AIG1: variants seen among roughly 807,000 people sequenced by gnomAD.
The protein encoded by AIG1 is androgen-induced gene 1 protein.
Under a neutral mutation model 31.4 loss-of-function variants are expected in AIG1, and 23 were observed. The ratio of observed to expected loss-of-function variants is 0.73; its 90% confidence interval spans 0.53 to 1.04. AIG1 has a LOEUF of 1.04. Ranked by LOEUF, AIG1 falls within the 50% of genes least tolerant of loss-of-function variation. AIG1 has a pLI of 0.00. For missense variants in AIG1, 274 were observed against 295.0 expected (o/e 0.93, Z 0.52); for synonymous variants, 100 against 110.5 (o/e 0.90, Z 0.60).
chr6:143,149,176 T>C (rs962416317), intron 2 of AIG1, among the ~76,000 whole-genome samples: 3 of 152,154 alleles, frequency 2.0e-5, no homozygotes, highest in Admixed American at 2.0e-4. Context: ...GACATTTTTA[T>C]CTATGTACAT....
chr6:143,155,167 T>A (rs1785620925), intron 2 of AIG1, among the ~76,000 whole-genome samples: 1 of 152,032 alleles, frequency 6.6e-6, no homozygotes, highest in Admixed American at 6.6e-5. Context: ...TTTAAAAATA[T>A]AAGGCACGAA....
intron 1 of AIG1, among the ~76,000 whole-genome samples, chr6:143,132,234 G>T (rs865867926): frequency 3.3e-5 from 5 of 152,032 alleles, no homozygotes; most frequent in Admixed American, 6.6e-5. Flanking sequence ...TTCAGCAATT[G>T]TCATTGATCT....
chr6:143,076,740 T>G (rs1777766750), intron 1 of AIG1, among the ~76,000 whole-genome samples: 1 of 151,544 alleles, frequency 6.6e-6, no homozygotes, highest in Admixed American at 6.6e-5. Flanking sequence ...TGGCACGATC[T>G]CAGCTCACTG....
At chr6:143,184,161 G>A (rs889619807) in intron 3 of AIG1, among the ~76,000 whole-genome samples, 8 of 152,180 alleles carry the variant, frequency 5.3e-5, no homozygotes, top group Admixed American at 5.2e-4. Flanking sequence ...CTCTGATTAA[G>A]CATCTCCAGT....
chr6:143,275,808 G>A (rs536309673), intron 3 of AIG1, among the ~76,000 whole-genome samples: 3 of 152,236 alleles, frequency 2.0e-5, no homozygotes, highest in African/African-American at 7.2e-5. Context: ...GCCTGTCTGA[G>A]GGCATTCATT....
chr6:143,176,466 C>G (rs949972950), intron 3 of AIG1, among the ~76,000 whole-genome samples: 1 of 152,168 alleles, frequency 6.6e-6, no homozygotes, highest in East Asian at 1.9e-4. Context: ...GACTATCAGG[C>G]TGGGACAGAG....
chr6:143,091,178 A>G (rs907319222), intron 1 of AIG1, among the ~76,000 whole-genome samples: 2 of 152,192 alleles, frequency 1.3e-5, no homozygotes, highest in African/African-American at 4.8e-5. Flanking sequence ...TTTCTCTTGT[A>G]ATTTCTACCA....
At position 143,097,622 on chromosome 6, in the gene AIG1, C is replaced by T. The variant is rs143435955; in HGVS notation, c.141+36556C>T. Among the ~76,000 whole-genome samples the T allele has an allele frequency of 1.2e-3, 188 of 152,242 alleles. 5 individuals carry two copies. The East Asian group carries it at 0.029, about 23-fold the overall frequency. ...ACACTTACCTAGGCAGTTTCATCTT[C>T]GATTCTCACAGTGCCTCTTTCACCT... On this transcript the variant is annotated intron_variant, in intron 1 of 5. Coordinates refer to ENST00000357847, the MANE Select transcript of AIG1 (RefSeq NM_016108.4).
At chr6:143,130,108 T>C (rs1457902747) in intron 1 of AIG1, among the ~76,000 whole-genome samples, 4 of 151,850 alleles carry the variant, frequency 2.6e-5, no homozygotes, top group African/African-American at 9.7e-5. Context: ...TTTTTGCACT[T>C]TTAATAGAGA....
chr6:143,126,268 A>G (rs1031818252), intron 1 of AIG1: 2 of 152,196 alleles, frequency 1.3e-5, no homozygotes, highest in Non-Finnish European at 2.9e-5. Flanking sequence ...TTCTCTACGG[A>G]GTAGCATTCA....
chr6:143,215,467 T>C (rs1385402834), intron 3 of AIG1, among the ~76,000 whole-genome samples: 1 of 152,196 alleles, frequency 6.6e-6, no homozygotes, highest in Non-Finnish European at 1.5e-5. Context: ...ACCTTGCAGA[T>C]AGATATTGCA....
In AIG1 at chr6:143,256,661, A is replaced by G. The variant is rs1795395942; in HGVS notation, c.400-27449A>G. Among the ~76,000 whole-genome samples the G allele has an allele frequency of 1.3e-5, 2 of 152,242 alleles. No individual in the cohort carries two copies. The highest frequency in any genetic ancestry group is 6.5e-5 in the Admixed American group (1 of 15,284). ...TTACTGAAATAAACATATACTATCAATATGGCATTTGCCTAATCCAGTGTA... is the reference window on the plus strand; with the variant it reads ...TTACTGAAATAAACATATACTATCAGTATGGCATTTGCCTAATCCAGTGTA... On this transcript the variant is annotated intron_variant, in intron 3 of 5. Coordinates refer to ENST00000357847, the MANE Select transcript of AIG1 (RefSeq NM_016108.4). The surrounding 1 kb of genome is among the most constrained non-coding windows in gnomAD (Gnocchi z 4.6).
At chr6:143,247,445 C>T (rs185878097) in intron 3 of AIG1, among the ~76,000 whole-genome samples, 1 of 152,208 alleles carries the variant, frequency 6.6e-6, no homozygotes, top group African/African-American at 2.4e-5. Flanking sequence ...ATATTGCTGA[C>T]TTTTAGTTTC....
At chr6:143,155,746 A>G (rs148937990) in intron 2 of AIG1, among the ~76,000 whole-genome samples, 15 of 152,168 alleles carry the variant, frequency 9.9e-5, no homozygotes, top group Non-Finnish European at 2.1e-4. Context: ...GTGTGTGATG[A>G]GTTTGGGAAG....
intron 2 of AIG1, among the ~76,000 whole-genome samples, chr6:143,137,930 T>C (rs1783903980): frequency 6.6e-6 from 1 of 152,162 alleles, no homozygotes. Flanking sequence ...ACCAAGTCCA[T>C]TGTAGGAAGA....
At chr6:143,261,600 T>G (rs1795784506) in intron 3 of AIG1, among the ~76,000 whole-genome samples, 1 of 152,216 alleles carries the variant, frequency 6.6e-6, no homozygotes, top group Non-Finnish European at 1.5e-5. Context: ...AAAAAGCATA[T>G]ATAAAGTATA....
chr6:143,246,068 C>T (rs1026194622), intron 3 of AIG1, among the ~76,000 whole-genome samples: 5 of 152,146 alleles, frequency 3.3e-5, no homozygotes, highest in Admixed American at 6.5e-5. Context: ...TAGAAATTCG[C>T]TTTGGGTCAC....
At chr6:143,214,243 A>G (rs6917465) in intron 3 of AIG1, among the ~76,000 whole-genome samples, 6,187 of 152,274 alleles carry the variant, frequency 0.041, 381 homozygotes, top group African/African-American at 0.14. Context: ...CGAGTCTGGA[A>G]TGCTCATTGC....
intron 3 of AIG1, among the ~76,000 whole-genome samples, chr6:143,203,261 A>C (rs1303480649): frequency 6.6e-6 from 1 of 152,204 alleles, no homozygotes; most frequent in Non-Finnish European, 1.5e-5. Context: ...TCCTGTGGCC[A>C]GGATTCTAGT....
Sources: gnomAD v4.1 joint callset for allele counts (sites outside exome capture counted in the v4.1 genomes callset) on GRCh38, gnomAD v4.1.1 for gene constraint, Gnocchi (gnomAD v3.1) non-coding constraint, MANE v1.5 for transcripts, NCBI Gene and HGNC (gene_info 2026-07-23, HGNC 2026-07-21) for gene names.